The following SCRN2 variants were observed in gnomAD, a reference collection of about 807,000 sequenced individuals.
The protein encoded by SCRN2 is secernin 2.
A neutral mutation model predicts 40.1 loss-of-function variants in SCRN2; 30 were observed. The observed-to-expected ratio is 0.75, with a 90% CI of 0.56 to 1.01. The LOEUF is 1.01. Among genes scored for constraint, SCRN2 ranks in the 50% least tolerant of loss-of-function variants. The probability of loss-of-function intolerance (pLI) is 0.00; values close to 1 mark genes in which losing one functional copy is unlikely to be tolerated. For synonymous variants in SCRN2, 240 were observed against 233.5 expected (o/e 1.03, Z -0.25); for missense variants, 526 against 564.9 (o/e 0.93, Z 0.70).
chr17:47,840,876 C>T (rs543993814), intron 1 of SCRN2, 33 bp from the exon 2 acceptor site: 11 of 1,471,502 alleles, frequency 7.5e-6, no homozygotes, highest in South Asian at 5.7e-5. Context: ...ATAACCCTGG[C>T]CACGGCTCAG....
At position 47,840,290 on chromosome 17, in the gene SCRN2, A is replaced by G. The variant is rs756285524; in HGVS notation, c.257T>C (p.Met86Thr). ...GCAGACACCATGCTCGTTGGCGCCC[A>G]TCTCAGCCCCCCATAGCCAAGAAGG... The part of the protein sequence containing the change: ...SRPSWLWGAE[M>T]GANEHGVCIG... The change falls in exon 3 of 8, where the codon ATG becomes ACG. Residue 86 changes from methionine to threonine, a missense_variant. Physicochemically the swap from Met to Thr is moderately conservative, Grantham distance 81 (BLOSUM62 -1). Coordinates refer to ENST00000290216, the MANE Select transcript of SCRN2 (RefSeq NM_138355.4). 3.7e-6 allele frequency: 6 copies of G among 1,614,166 alleles called. No individual in the cohort carries two copies. In the Admixed American group the frequency reaches 1.0e-4, roughly 27 times the overall value.
intron 7 of SCRN2, 57 bp from the exon 8 acceptor site, chr17:47,838,059 AG>A: frequency 1.3e-6 from 2 of 1,581,686 alleles, no homozygotes; most frequent in South Asian, 1.1e-5. Context: ...CGCCAGGTGA[AG>A]GGGGGACTGT....
In SCRN2 at chr17:47,837,827, A is replaced by C; in HGVS notation, c.*17T>G. The C allele has an allele frequency of 6.3e-7, 1 of 1,586,168 alleles. No homozygotes were observed. The stretch of plus-strand genomic sequence containing the variant: ...AGGGGTCCTGGGTCCACCCCAGGCC[A>C]GCAGAAGCTATGAAGCTTACGCATA... On this transcript the variant is annotated 3_prime_UTR_variant, in exon 8 of 8. Coordinates refer to ENST00000290216, the MANE Select transcript of SCRN2 (RefSeq NM_138355.4).
chr17:47,839,873 C>G (rs533765158), intron 3 of SCRN2: 4 of 604,774 alleles, frequency 6.6e-6, no homozygotes, highest in East Asian at 5.5e-5. Context: ...AACACAGTTT[C>G]AGAGAGAGAA....
Position 47,837,933 on chromosome 17 carries a change from G to T in SCRN2, c.1189C>A (p.Leu397Met). 1 of 1,606,124 alleles carries T rather than the reference G, an allele frequency of 6.2e-7. No homozygotes were observed. The change falls in exon 8 of 8, where the codon CTG becomes ATG. Residue 397 changes from leucine (L) to methionine (M), a missense_variant. Physicochemically the swap from Leu to Met is conservative, Grantham distance 15. Transcript: ENST00000290216. The stretch of plus-strand genomic sequence containing the variant: ...GGTGGGGCCCACTCGCCGGCCAGCA[G>T]CCCCTGTGTGGCCTCGAGGCCTTCC... ...EQEGLEATQG[L>M]LAGEWAPPLW...
At position 47,839,619 on chromosome 17, in the gene SCRN2, A is replaced by G. The variant is rs780847342; in HGVS notation, c.381T>C (p.Ser127=). The part of the protein sequence containing the change: ...LLRLALERSS[S]AQEALHVITG... Reference sequence around the variant, plus strand: ...TGATCACATGCAAGGCCTCCTGGGCAGAGCTGCTCCGTTCCAAAGCCAGCC... The same window carrying G: ...TGATCACATGCAAGGCCTCCTGGGCGGAGCTGCTCCGTTCCAAAGCCAGCC... Residue 127 remains serine, a synonymous_variant, in exon 4 of 8, where the codon TCT becomes TCC. Transcript: ENST00000290216. 1 of 1,614,048 alleles carries G rather than the reference A, an allele frequency of 6.2e-7. No individual in the cohort carries two copies. Among genetic ancestry groups the G allele is most frequent in the East Asian group, 2.2e-5 (1 of 44,880 alleles).
intron 7 of SCRN2, 48 bp from the exon 8 acceptor site, chr17:47,838,050 G>A (rs576428676): frequency 2.2e-5 from 35 of 1,584,602 alleles, no homozygotes; most frequent in African/African-American, 5.4e-5. Context: ...CAGGCTTCCC[G>A]CCAGGTGAAG....
At chr17:47,839,082 G>T in intron 4 of SCRN2, 76 bp from the exon 5 acceptor site, 2 of 1,496,750 alleles carry the variant, frequency 1.3e-6, no homozygotes, top group South Asian at 2.4e-5. Flanking sequence ...GAGGTGCTGA[G>T]AACATGGTGG....
chr17:47,839,739 G>T lies in SCRN2; in HGVS notation c.357-96C>A, dbSNP rs1254680266. 2.0e-5 allele frequency: 26 copies of T among 1,325,298 alleles called. 1 individual carries two copies. In the Admixed American group the frequency reaches 4.4e-4, roughly 23 times the overall value. 82.1% of individuals were successfully genotyped at this position (1,325,298 alleles called of 1,614,324 possible). The stretch of plus-strand genomic sequence containing the variant: ...GGACAGAAGAGGCCCGGAGAGGTTT[G>T]GTGATAGGCCCAAGTCACACAGCAA... On this transcript the variant is annotated intron_variant, in intron 3 of 7. Transcript: ENST00000290216.
rs1471648935 is a variant in SCRN2, at chr17:47,838,693, C to T, written c.776G>A (p.Gly259Asp). Reference protein sequence around the residue: ...GRELLRQRQGGITAEVMMGIL... With the variant: ...GRELLRQRQGDITAEVMMGIL... ...GCCCATCATCACCTCTGCCGTGATG[C>T]CCCCTGCCAAGGAGTAGAGGGGGAA... The change falls in exon 6 of 8, where the codon GGC becomes GAC. Residue 259 changes from glycine (G) to aspartate (D), a missense_variant. By Grantham distance (94) the Gly-to-Asp change is moderately conservative. Coordinates refer to ENST00000290216, the MANE Select transcript of SCRN2 (RefSeq NM_138355.4). The T allele has an allele frequency of 1.2e-6, 2 of 1,613,452 alleles. No individual in the cohort carries two copies. Among genetic ancestry groups the T allele is most frequent in the Non-Finnish European group, 8.5e-7 (1 of 1,179,668 alleles).
At position 47,838,814 on chromosome 17, in the gene SCRN2, C is replaced by T. The variant is rs766769648; in HGVS notation, c.749G>A (p.Arg250Gln). The T allele has an allele frequency of 5.3e-5, 86 of 1,613,084 alleles. No individual in the cohort carries two copies. The East Asian group carries it at 7.1e-4, about 13-fold the overall frequency. Residue 250 changes from arginine to glutamine, a missense_variant, in exon 5 of 8, where the codon CGG becomes CAG. Physicochemically the swap from Arg to Gln is conservative, Grantham distance 43. Coordinates refer to ENST00000290216, the MANE Select transcript of SCRN2 (RefSeq NM_138355.4). ...EAAKARFQAG[R>Q]ELLRQRQGGI... ...ACCTTGCCGTTGCCGCAGCAGCTCC[C>T]GCCCTGCCTGGAAGCGGGCCTTGGC...
intron 3 of SCRN2, 88 bp downstream of exon 3, chr17:47,840,103 G>T: frequency 7.2e-7 from 1 of 1,387,254 alleles, no homozygotes; most frequent in Non-Finnish European, 9.8e-7. Context: ...TGTGAACCAG[G>T]CTGGGGGAGG....
Position 47,838,451 on chromosome 17 carries a change from C to T in SCRN2, c.939-1G>A. 6.2e-7 allele frequency: 1 copy of T among 1,613,506 alleles called. No homozygotes were observed. Among genetic ancestry groups the T allele is most frequent in the Non-Finnish European group, 8.5e-7 (1 of 1,179,864 alleles). On this transcript the variant is annotated splice_acceptor_variant, in intron 6 of 7. Coordinates refer to ENST00000290216, the MANE Select transcript of SCRN2 (RefSeq NM_138355.4). LOFTEE classifies it high-confidence loss of function. The stretch of plus-strand genomic sequence containing the variant: ...GAAGATGAAAGGTTTGAACACAGAC[C>T]TAGAGGGGCACAGATGGAAGCACGG...
In SCRN2 at chr17:47,838,795, C is replaced by T. The variant is rs745549636; in HGVS notation, c.768G>A (p.Arg256=). Residue 256 remains arginine (R), a synonymous_variant, in exon 5 of 8, where the codon CGG becomes CGA. Coordinates refer to ENST00000290216, the MANE Select transcript of SCRN2 (RefSeq NM_138355.4). ...CCCCCTCCACCGTTCACTAACCTTG[C>T]CGTTGCCGCAGCAGCTCCCGCCCTG... The part of the protein sequence containing the change: ...FQAGRELLRQ[R]QGGITAEVMM... 2.5e-6 allele frequency: 4 copies of T among 1,612,666 alleles called. No individual in the cohort carries two copies. Among genetic ancestry groups the T allele is most frequent in the South Asian group, 1.1e-5 (1 of 91,058 alleles).
chr17:47,839,224 A>G (rs546379082), intron 4 of SCRN2, among the ~76,000 whole-genome samples: 1 of 152,350 alleles, frequency 6.6e-6, no homozygotes, highest in East Asian at 1.9e-4. Flanking sequence ...GCATATAAGC[A>G]GGAAACCTGA....
At chr17:47,839,072 G>A (rs548927870) in intron 4 of SCRN2, 66 bp from the exon 5 acceptor site, 29 of 1,537,228 alleles carry the variant, frequency 1.9e-5, no homozygotes, top group South Asian at 7.1e-5. Context: ...GGCACTGGGC[G>A]AGGTGCTGAG....
chr17:47,839,688 C>A, intron 3 of SCRN2, 45 bp from the exon 4 acceptor site: 1 of 1,603,154 alleles, frequency 6.2e-7, no homozygotes, highest in Non-Finnish European at 8.5e-7. Flanking sequence ...ACAGAGGGAT[C>A]AATGGCTGGT....
chr17:47,841,041 GGCACTCCGGGGGTCCC>G, intron 1 of SCRN2, 151 bp downstream of exon 1: 1 of 433,998 alleles, frequency 2.3e-6, no homozygotes, highest in Non-Finnish European at 4.0e-6. Context: ...TCCGCAGGCG[GGCACTCCGGGGGTCCC>G]GCCCCCACTG....
Position 47,839,125 on chromosome 17 carries a change from G to A in SCRN2, c.557-119C>T, listed in dbSNP as rs185627892. On this transcript the variant is annotated intron_variant, in intron 4 of 7. Transcript: ENST00000290216. ...AACTACCTACCCTCATGGAGCCTAC[G>A]TTTTGGTGGGGGAGGCAGACAAAAT... 1.2e-5 allele frequency: 13 copies of A among 1,058,878 alleles called. No individual in the cohort carries two copies. The East Asian group carries it at 1.2e-4, about 10-fold the overall frequency. The allele number at this position is 1,058,878 out of a possible 1,614,324, so 65.6% of individuals were successfully genotyped here.
Sources: gnomAD v4.1 joint callset for allele counts (sites outside exome capture counted in the v4.1 genomes callset) on GRCh38, gnomAD v4.1.1 for gene constraint, MANE v1.5 for transcripts, NCBI Gene and HGNC (gene_info 2026-07-23, HGNC 2026-07-21) for gene names.